Variants in PSME4 observed in about 807,000 individuals in gnomAD.
The protein encoded by PSME4 is proteasome activator subunit 4, also known as proteasome activator complex subunit 4.
PSME4 carries 89 observed loss-of-function variants against 253.9 expected under a neutral mutation model. The observed-to-expected ratio is 0.35, with a 90% confidence interval of 0.30 to 0.42. PSME4 has a LOEUF of 0.42. Ranked by LOEUF, PSME4 falls within the 10% of genes least tolerant of loss-of-function variation. The pLI is 1.00. For missense variants in PSME4, 2,014 were observed against 2,195.2 expected, an observed-to-expected ratio of 0.92 and a Z score of 1.65; for synonymous variants, 851 against 759.2, an observed-to-expected ratio of 1.12 and a Z score of -1.99.
intron 3 of PSME4, among the ~76,000 whole-genome samples, chr2:53,945,077 A>G (rs1669640052): frequency 6.6e-6 from 1 of 152,224 alleles, no homozygotes; most frequent in Non-Finnish European, 1.5e-5. Flanking sequence ...CACAAAAACC[A>G]AATTAGTGGT....
intron 27 of PSME4, 119 bp from the exon 28 acceptor site, chr2:53,901,678 G>T: frequency 1.4e-6 from 1 of 701,548 alleles, no homozygotes; most frequent in South Asian, 3.0e-5. Context: ...GCTTAATATT[G>T]GTTAGTAAAA....
At chr2:53,898,386 A>G (rs1394653417) in intron 29 of PSME4, 32 bp from the exon 30 acceptor site, 12 of 1,470,788 alleles carry the variant, frequency 8.2e-6, no homozygotes, top group East Asian at 6.9e-5. Flanking sequence ...TTATTTTACT[A>G]TAATACTAAA....
At position 53,890,093 on chromosome 2, in the gene PSME4, G is replaced by T; in HGVS notation, c.4296+11C>A. On this transcript the variant is annotated intron_variant, in intron 37 of 46. Coordinates refer to ENST00000404125, the MANE Select transcript of PSME4 (RefSeq NM_014614.3). ...GATCAGTTAGACAAAGAAAGATGTA[G>T]GGTAACTTACACAGGATGTTGCTAT... 6.3e-7 allele frequency: 1 copy of T among 1,584,350 alleles called. No individual in the cohort carries two copies. The highest frequency in any genetic ancestry group is 8.7e-7 in the Non-Finnish European group (1 of 1,153,274).
chr2:53,885,863 C>G (rs987285385), intron 40 of PSME4, 88 bp from the exon 41 acceptor site: 1 of 859,650 alleles, frequency 1.2e-6, no homozygotes, highest in East Asian at 2.6e-5. Context: ...TATTGTCATA[C>G]AGCCACTCTG....
intron 26 of PSME4, among the ~76,000 whole-genome samples, chr2:53,905,239 G>C (rs1680601442): frequency 6.6e-6 from 1 of 151,708 alleles, no homozygotes; most frequent in Admixed American, 6.6e-5. Flanking sequence ...CATGTTGCCA[G>C]GCTGGTCTTG....
intron 7 of PSME4, 61 bp from the exon 8 acceptor site, chr2:53,934,788 G>T (rs916412928): frequency 7.7e-7 from 1 of 1,306,680 alleles, no homozygotes; most frequent in African/African-American, 1.5e-5. Context: ...CTTTAGCTTA[G>T]TAAGTGCTGT....
At chr2:53,894,055 T>C (rs1680031487) in intron 34 of PSME4, among the ~76,000 whole-genome samples, 1 of 152,100 alleles carries the variant, frequency 6.6e-6, no homozygotes, top group African/African-American at 2.4e-5. Context: ...AATCAACAAA[T>C]GTTCTGCTTG....
intron 14 of PSME4, among the ~76,000 whole-genome samples, chr2:53,925,296 TTAAG>T (rs1668513992): frequency 1.3e-5 from 2 of 152,214 alleles, no homozygotes. Flanking sequence ...GAGATCAAAT[TTAAG>T]TAACTGAATT....
At chr2:53,931,647 A>T (rs1376354877) in intron 10 of PSME4, among the ~76,000 whole-genome samples, 188 bp downstream of exon 10, 1 of 152,186 alleles carries the variant, frequency 6.6e-6, no homozygotes, top group African/African-American at 2.4e-5. Flanking sequence ...ATTTCATTTC[A>T]ATTTTTTTCT....
Position 53,904,063 on chromosome 2 carries a change from T to G in PSME4, c.3037A>C (p.Arg1013=). The G allele has an allele frequency of 6.2e-7, 1 of 1,613,834 alleles. No individual in the cohort carries two copies. ...TGTGTAACACCTTGTCTATCAGGCC[T>G]TAAGAACTCCAAAACCAAGGGAATG... The part of the protein sequence containing the change: ...DIIPLVLEFL[R]PDRQGVTQQQ... The change falls in exon 27 of 47, where the codon AGG becomes CGG. Residue 1013 remains arginine (R), a synonymous_variant. Coordinates refer to ENST00000404125, the MANE Select transcript of PSME4 (RefSeq NM_014614.3).
chr2:53,950,865 A>G (rs904359988), intron 1 of PSME4, among the ~76,000 whole-genome samples: 2 of 151,882 alleles, frequency 1.3e-5, no homozygotes, highest in African/African-American at 4.8e-5. Context: ...AAAGAAAAGA[A>G]AAAGGTGTCC....
intron 10 of PSME4, 88 bp downstream of exon 10, chr2:53,931,747 A>G (rs1182461336): frequency 1.4e-6 from 2 of 1,420,342 alleles, no homozygotes; most frequent in Non-Finnish European, 1.9e-6. Context: ...AAGAAGCAAA[A>G]CAGAAGCCAC....
At chr2:53,936,872 T>C (rs1436815361) in intron 5 of PSME4, 45 bp from the exon 6 acceptor site, 2 of 1,318,550 alleles carry the variant, frequency 1.5e-6, no homozygotes, top group Non-Finnish European at 1.1e-6. Context: ...GATTTTAAAG[T>C]GGTTCAATGC....
rs536618745 is a variant in PSME4, at chr2:53,885,297, G to T, written c.4815+393C>A. 2.0e-5 allele frequency among the ~76,000 whole-genome samples: 3 copies of T among 152,212 alleles called. No individual in the cohort carries two copies. The South Asian group carries it at 6.2e-4, about 32-fold the overall frequency. On this transcript the variant is annotated intron_variant, in intron 41 of 46. Transcript: ENST00000404125. ...AACAGTTATAGGGTCCTTTAACATT[G>T]TAAAACAAACACAATATACTGAACA... is the stretch of plus-strand genomic sequence containing the variant.
At chr2:53,920,054 T>C (rs1573290167) in intron 19 of PSME4, 139 bp downstream of exon 19, 3 of 770,102 alleles carry the variant, frequency 3.9e-6, no homozygotes, top group East Asian at 5.3e-5. Context: ...AACATTATAT[T>C]AAATGATTTT....
intron 20 of PSME4, among the ~76,000 whole-genome samples, chr2:53,918,744 A>G (rs774063170): frequency 6.6e-6 from 1 of 152,208 alleles, no homozygotes; most frequent in Non-Finnish European, 1.5e-5. Context: ...CCAATTCAAA[A>G]TCATAATGAA....
chr2:53,947,428 G>A (rs1669765926), intron 3 of PSME4, among the ~76,000 whole-genome samples: 1 of 152,170 alleles, frequency 6.6e-6, no homozygotes, highest in African/African-American at 2.4e-5. Flanking sequence ...TACACAGGCT[G>A]GGGGTGGTGG....
In PSME4 at chr2:53,873,537, A is replaced by G. The variant is rs1179742854; in HGVS notation, c.5100+802T>C. Among the ~76,000 whole-genome samples the G allele has an allele frequency of 2.6e-5, 4 of 152,362 alleles. No homozygotes were observed. The South Asian group carries it at 8.3e-4, about 32-fold the overall frequency. ...AACTTAAAAAGTAGTATCTCATGCCATATTTACTGCCAACATGCTCTTACA... is the reference window on the plus strand; with the variant it reads ...AACTTAAAAAGTAGTATCTCATGCCGTATTTACTGCCAACATGCTCTTACA... On this transcript the variant is annotated intron_variant, in intron 43 of 46. Transcript: ENST00000404125.
chr2:53,949,409 T>C, intron 1 of PSME4, 126 bp from the exon 2 acceptor site: 1 of 508,620 alleles, frequency 2.0e-6, no homozygotes, highest in Non-Finnish European at 3.3e-6. Context: ...GATGAATGGA[T>C]AAGGAAAATG....
Sources: gnomAD v4.1 joint callset for allele counts (sites outside exome capture counted in the v4.1 genomes callset) on GRCh38, gnomAD v4.1.1 for gene constraint, MANE v1.5 for transcripts, NCBI Gene and HGNC (gene_info 2026-07-23, HGNC 2026-07-21) for gene names.